ALCAM: variants seen among roughly 807,000 people sequenced by gnomAD.
ALCAM encodes the protein activated leukocyte cell adhesion molecule.
ALCAM carries 30 observed loss-of-function variants against 70.9 expected under a neutral mutation model. The ratio of observed to expected loss-of-function variants is 0.42; its 90% CI spans 0.32 to 0.57. The LOEUF is 0.57. Ranked by LOEUF, ALCAM falls within the 20% of genes least tolerant of loss-of-function variation. The pLI, the probability that ALCAM is intolerant of heterozygous loss-of-function variation, is 0.11. For missense variants in ALCAM, 591 were observed against 695.1 expected (o/e 0.85, Z 1.68); for synonymous variants, 249 against 242.5 (o/e 1.03, Z -0.25).
intron 2 of ALCAM, among the ~76,000 whole-genome samples, chr3:105,520,369 A>G (rs946868361): frequency 9.2e-5 from 14 of 152,274 alleles, no homozygotes; most frequent in African/African-American, 3.4e-4. Flanking sequence ...AATAAAGCCA[A>G]TAAACACATA....
chr3:105,548,044 G>A (rs1030267520), intron 11 of ALCAM, among the ~76,000 whole-genome samples: 1 of 151,432 alleles, frequency 6.6e-6, no homozygotes, highest in Non-Finnish European at 1.5e-5. Flanking sequence ...CAGTGCTAGG[G>A]CCAGAATAAG....
chr3:105,462,960 A>G (rs1467965612), intron 1 of ALCAM, among the ~76,000 whole-genome samples: 1 of 151,450 alleles, frequency 6.6e-6, no homozygotes, highest in Non-Finnish European at 1.5e-5. Context: ...CTTGAGAGAG[A>G]TCAGATCCAT....
intron 3 of ALCAM, among the ~76,000 whole-genome samples, chr3:105,526,545 A>C (rs1361665546): frequency 6.6e-6 from 1 of 152,158 alleles, no homozygotes; most frequent in African/African-American, 2.4e-5. Context: ...CAGAATTTGC[A>C]TTCCAGGCTG....
chr3:105,513,989 A>G (rs1939312910), intron 1 of ALCAM, among the ~76,000 whole-genome samples: 2 of 151,898 alleles, frequency 1.3e-5, no homozygotes, highest in Non-Finnish European at 2.9e-5. Context: ...GCACTGTGCT[A>G]TTGAGGTAGT....
chr3:105,477,059 A>G (rs1436557985), intron 1 of ALCAM, among the ~76,000 whole-genome samples: 1 of 152,000 alleles, frequency 6.6e-6, no homozygotes, highest in Non-Finnish European at 1.5e-5. Flanking sequence ...TTTGCCTCCC[A>G]CCATGATTCT....
At chr3:105,489,733 G>T (rs1938531220) in intron 1 of ALCAM, among the ~76,000 whole-genome samples, 1 of 151,592 alleles carries the variant, frequency 6.6e-6, no homozygotes, top group South Asian at 2.1e-4. Context: ...AGAGGTACCA[G>T]TGTAAATACA....
intron 1 of ALCAM, among the ~76,000 whole-genome samples, chr3:105,473,859 T>C (rs1158907660): frequency 6.6e-6 from 1 of 151,386 alleles, no homozygotes; most frequent in Non-Finnish European, 1.5e-5. Context: ...CTGCTGATAA[T>C]AAGGCAGAGC....
intron 1 of ALCAM, among the ~76,000 whole-genome samples, chr3:105,457,248 G>A (rs934834507): frequency 6.6e-6 from 1 of 152,136 alleles, no homozygotes; most frequent in East Asian, 1.9e-4. Context: ...TTCTGTGGCT[G>A]CATGGTATTC....
At chr3:105,457,396 T>A (rs1387601981) in intron 1 of ALCAM, among the ~76,000 whole-genome samples, 1 of 151,952 alleles carries the variant, frequency 6.6e-6, no homozygotes, top group African/African-American at 2.4e-5. Flanking sequence ...ACTCTGGGCC[T>A]ATTAGAAGGA....
chr3:105,539,839 A>G, intron 6 of ALCAM, 136 bp from the exon 7 acceptor site: 1 of 806,258 alleles, frequency 1.2e-6, no homozygotes, highest in East Asian at 3.0e-5. Flanking sequence ...CAATCCTTCT[A>G]TAAAAAGGTA....
At chr3:105,501,971 CA>C (rs1938932976) in intron 1 of ALCAM, among the ~76,000 whole-genome samples, 1 of 152,188 alleles carries the variant, frequency 6.6e-6, no homozygotes, top group Non-Finnish European at 1.5e-5. Flanking sequence ...AAACCAAAAT[CA>C]AAGTTTGTTC....
intron 1 of ALCAM, among the ~76,000 whole-genome samples, chr3:105,488,257 C>T (rs537425079): frequency 7.2e-5 from 11 of 152,204 alleles, no homozygotes; most frequent in Admixed American, 5.9e-4. Flanking sequence ...GCCTGCAGAA[C>T]TGTGAGCCAA....
chr3:105,525,170 C>G (rs1276302522), intron 3 of ALCAM: 4 of 983,798 alleles, frequency 4.1e-6, no homozygotes, highest in Non-Finnish European at 1.2e-6. Flanking sequence ...AAAAAACTCA[C>G]TATACCCTGA....
At chr3:105,508,069 C>T (rs778849193) in intron 1 of ALCAM, among the ~76,000 whole-genome samples, 2 of 152,230 alleles carry the variant, frequency 1.3e-5, no homozygotes, top group Middle Eastern at 3.4e-3. Flanking sequence ...ACAGCTGCCA[C>T]GGACAGGACT....
At chr3:105,542,162 AC>A (rs1940133599) in intron 8 of ALCAM, among the ~76,000 whole-genome samples, 1 of 151,850 alleles carries the variant, frequency 6.6e-6, no homozygotes, top group Non-Finnish European at 1.5e-5. Context: ...TAAATTTAAC[AC>A]CCAAACTCAG....
At chr3:105,424,773 A>G (rs1041591749) in intron 1 of ALCAM, among the ~76,000 whole-genome samples, 1 of 151,786 alleles carries the variant, frequency 6.6e-6, no homozygotes, top group Non-Finnish European at 1.5e-5. Context: ...GTGTCGGTTA[A>G]TAAAACCATG....
intron 1 of ALCAM, among the ~76,000 whole-genome samples, chr3:105,405,546 C>T (rs1202582012): frequency 1.3e-5 from 2 of 152,082 alleles, no homozygotes. Flanking sequence ...TACTTTATAA[C>T]AAATGGACTT....
chr3:105,385,642 C>G (rs1465130131), intron 1 of ALCAM, among the ~76,000 whole-genome samples: 1 of 151,544 alleles, frequency 6.6e-6, no homozygotes, highest in East Asian at 1.9e-4. Flanking sequence ...AAAGAAACTT[C>G]CTACAGAGAA....
chr3:105,524,064 T>A (rs75323681), intron 2 of ALCAM, among the ~76,000 whole-genome samples: 72 of 152,236 alleles, frequency 4.7e-4, no homozygotes, highest in African/African-American at 1.7e-3. Flanking sequence ...GAAAAAAAAA[T>A]CTGATTCCTA....
Sources: gnomAD v4.1 joint callset for allele counts (sites outside exome capture counted in the v4.1 genomes callset) on GRCh38, gnomAD v4.1.1 for gene constraint, MANE v1.5 for transcripts, NCBI Gene and HGNC (gene_info 2026-07-23, HGNC 2026-07-21) for gene names.